Variants in NOTCH2NLC observed in about 807,000 individuals in gnomAD.
The protein encoded by NOTCH2NLC is notch homolog 2 N-terminal-like protein C.
Under a neutral mutation model 17.7 loss-of-function variants are expected in NOTCH2NLC, and 4 were observed. That is an observed-to-expected ratio of 0.23 (90% CI 0.11 to 0.52). The LOEUF (loss-of-function observed/expected upper bound fraction) is 0.52, where lower values mean the gene tolerates loss of function less well. NOTCH2NLC is among the 20% of genes least tolerant of loss of function. The pLI is 0.96. For synonymous variants in NOTCH2NLC, 18 were observed against 86.0 expected (o/e 0.21, Z 4.38); for missense variants, 57 against 207.2 (o/e 0.28, Z 4.45).
chr1:149,412,141 AC>A (rs1227584519), intron 1 of NOTCH2NLC, among the ~76,000 whole-genome samples: 26 of 147,576 alleles, frequency 1.8e-4, no homozygotes, highest in African/African-American at 5.5e-4. Context: ...CAAAAAAAAA[AC>A]AAAAAAAAGT....
intron 2 of NOTCH2NLC, among the ~76,000 whole-genome samples, chr1:149,445,922 AAAAG>A (rs1420861104): frequency 7.9e-5 from 11 of 140,054 alleles, no homozygotes; most frequent in African/African-American, 2.9e-4. Flanking sequence ...AAAAAAAAAA[AAAAG>A]CTAAAGACAG....
chr1:149,394,878 G>C (rs1246347917), intron 1 of NOTCH2NLC, among the ~76,000 whole-genome samples: 1 of 150,392 alleles, frequency 6.6e-6, no homozygotes, highest in Non-Finnish European at 1.5e-5. Context: ...TACCATATGT[G>C]TAGTATTTTG....
Position 149,448,730 on chromosome 1 carries a change from C to A in NOTCH2NLC, c.210-6588C>A, listed in dbSNP as rs1209993104. Among the ~76,000 whole-genome samples the A allele has an allele frequency of 3.3e-5, 5 of 149,382 alleles. 1 individual carries two copies. The highest frequency in any genetic ancestry group is 7.5e-5 in the Non-Finnish European group (5 of 67,014). On this transcript the variant is annotated intron_variant, in intron 2 of 4. Transcript: ENST00000650865. ...TGCACTGGTAAGAACATGTGTTAAG[C>A]CTTTTTCCATTTTGAGCCTCACTTT...
At position 149,392,846 on chromosome 1, in the gene NOTCH2NLC, C is replaced by T. The variant is rs1156323971; in HGVS notation, c.135+1924C>T. ...CAGCACTTTGGGAGGCCGAGGCGGG[C>T]GGATCACGAGGTCAGGAGATCGAGA... is the stretch of plus-strand genomic sequence containing the variant. On this transcript the variant is annotated intron_variant, in intron 1 of 4. Coordinates refer to ENST00000650865, the MANE Select transcript of NOTCH2NLC (RefSeq NM_001364013.2). Among the ~76,000 whole-genome samples, 4 of 150,692 alleles carry T rather than the reference C, an allele frequency of 2.7e-5. 1 individual carries two copies. The highest frequency in any genetic ancestry group is 6.6e-5 in the Admixed American group (1 of 15,148).
chr1:149,412,096 A>G (rs1365631002), intron 1 of NOTCH2NLC, among the ~76,000 whole-genome samples: 1 of 112,670 alleles, frequency 8.9e-6, no homozygotes, highest in Non-Finnish European at 1.8e-5. Context: ...TGTCTGGGTG[A>G]CAGAGCAAGA....
At chr1:149,432,570 A>G (rs1239820857) in intron 2 of NOTCH2NLC, among the ~76,000 whole-genome samples, 1 of 151,054 alleles carries the variant, frequency 6.6e-6, no homozygotes, top group Non-Finnish European at 1.5e-5. Context: ...AATCTTGTTT[A>G]GTCTTTTTGT....
chr1:149,471,745 A>G lies in NOTCH2NLC; in HGVS notation c.*7592A>G, dbSNP rs1213407515. On this transcript the variant is annotated 3_prime_UTR_variant, in exon 5 of 5. Coordinates refer to ENST00000650865, the MANE Select transcript of NOTCH2NLC (RefSeq NM_001364013.2). Reference sequence around the variant, plus strand: ...TTGGAATATGGTAAAAGACACTGAAATATATGCTTAAAAATGGTGATTTTT... The same window carrying G: ...TTGGAATATGGTAAAAGACACTGAAGTATATGCTTAAAAATGGTGATTTTT... Among the ~76,000 whole-genome samples, 1 of 149,392 alleles carries G rather than the reference A, an allele frequency of 6.7e-6. No homozygotes were observed. Among genetic ancestry groups the G allele is most frequent in the Non-Finnish European group, 1.5e-5 (1 of 67,038 alleles).
intron 1 of NOTCH2NLC, among the ~76,000 whole-genome samples, chr1:149,404,771 A>G (rs2084258779): frequency 7.0e-6 from 1 of 142,388 alleles, no homozygotes; most frequent in South Asian, 2.3e-4. Flanking sequence ...ATTAACCTGG[A>G]CTGGTGGAGT....
chr1:149,395,851 C>A (rs1388791832), intron 1 of NOTCH2NLC, among the ~76,000 whole-genome samples: 1 of 146,876 alleles, frequency 6.8e-6, no homozygotes, highest in Non-Finnish European at 1.5e-5. Flanking sequence ...CCCCTGAACA[C>A]CCTGCTGACA....
chr1:149,417,359 C>T (rs1433057558), intron 1 of NOTCH2NLC, among the ~76,000 whole-genome samples: 5 of 150,908 alleles, frequency 3.3e-5, no homozygotes, highest in East Asian at 2.0e-4. Flanking sequence ...CCGCCTGCCT[C>T]GGCCTCCCAA....
At chr1:149,414,460 G>A (rs1479388921) in intron 1 of NOTCH2NLC, among the ~76,000 whole-genome samples, 1 of 150,396 alleles carries the variant, frequency 6.6e-6, no homozygotes, top group Non-Finnish European at 1.5e-5. Flanking sequence ...ACTCTTGAGC[G>A]CATATGTATC....
intron 1 of NOTCH2NLC, among the ~76,000 whole-genome samples, chr1:149,424,020 C>G (rs1187162040): frequency 1.3e-5 from 2 of 150,912 alleles, no homozygotes; most frequent in Non-Finnish European, 3.0e-5. Flanking sequence ...TGATATGTAG[C>G]TGGTATGATA....
chr1:149,418,569 A>G, intron 1 of NOTCH2NLC, among the ~76,000 whole-genome samples: 1 of 132,442 alleles, frequency 7.6e-6, no homozygotes, highest in Non-Finnish European at 1.7e-5. Flanking sequence ...AGTGATAAAC[A>G]AAAGAGATGG....
At chr1:149,448,587 G>A (rs1334904558) in intron 2 of NOTCH2NLC, among the ~76,000 whole-genome samples, 1 of 149,326 alleles carries the variant, frequency 6.7e-6, no homozygotes, top group Non-Finnish European at 1.5e-5. Flanking sequence ...TTGGGTATGA[G>A]TCGGAGCATT....
At chr1:149,417,125 T>TTA in intron 1 of NOTCH2NLC, among the ~76,000 whole-genome samples, 1 of 136,908 alleles carries the variant, frequency 7.3e-6, no homozygotes, top group Non-Finnish European at 1.6e-5. Context: ...TTTTTTTTTT[T>TTA]TTGAGACAGA....
Position 149,464,948 on chromosome 1 carries a change from T to G in NOTCH2NLC, c.*795T>G, listed in dbSNP as rs2084676689. On this transcript the variant is annotated 3_prime_UTR_variant, in exon 5 of 5. Coordinates refer to ENST00000650865, the MANE Select transcript of NOTCH2NLC (RefSeq NM_001364013.2). ...TTAAAGGTCATAGTTTGGTCCTCAGTATAAAATCAACTGGTAATTTGTTCA... is the reference window on the plus strand; with the variant it reads ...TTAAAGGTCATAGTTTGGTCCTCAGGATAAAATCAACTGGTAATTTGTTCA... 6.9e-6 allele frequency: 1 copy of G among 144,678 alleles called. No individual in the cohort carries two copies. The highest frequency in any genetic ancestry group is 1.5e-5 in the Non-Finnish European group (1 of 64,906). The allele number at this position is 144,678 out of a possible 1,614,324, so 9.0% of individuals were successfully genotyped here.
chr1:149,463,358 AT>A (rs2084663723), intron 3 of NOTCH2NLC, 132 bp from the exon 4 acceptor site: 5 of 936,270 alleles, frequency 5.3e-6, no homozygotes, highest in Non-Finnish European at 8.6e-6. Context: ...GGAGGCTCTG[AT>A]TTAGCCTTTA....
chr1:149,402,194 C>T (rs2084250332), intron 1 of NOTCH2NLC, among the ~76,000 whole-genome samples: 2 of 150,742 alleles, frequency 1.3e-5, no homozygotes, highest in Admixed American at 1.3e-4. Flanking sequence ...ATTCTCCTAC[C>T]TCAGCCTCCC....
At chr1:149,420,095 C>T (rs1305850694) in intron 1 of NOTCH2NLC, among the ~76,000 whole-genome samples, 2 of 149,830 alleles carry the variant, frequency 1.3e-5, no homozygotes, top group Non-Finnish European at 3.0e-5. Context: ...TGGTGTCGAT[C>T]TCCTGACCTC....
Sources: allele counts gnomAD v4.1 joint callset (sites outside exome capture counted in the v4.1 genomes callset), GRCh38; gene constraint gnomAD v4.1.1; transcripts MANE v1.5; gene names NCBI Gene and HGNC (gene_info 2026-07-23, HGNC 2026-07-21).